The following PTPRN2 variants were observed in gnomAD, a reference collection of about 807,000 sequenced individuals.
The protein encoded by PTPRN2 is protein tyrosine phosphatase receptor type N2, also known as receptor-type tyrosine-protein phosphatase N2.
PTPRN2 carries 74 observed loss-of-function variants against 118.8 expected under a neutral mutation model. The observed-to-expected ratio is 0.62, with a 90% CI of 0.52 to 0.76. The LOEUF (loss-of-function observed/expected upper bound fraction) is 0.76. Among genes scored for constraint, PTPRN2 ranks in the 30% least tolerant of loss-of-function variants. The probability of loss-of-function intolerance (pLI) is 0.00; values close to 1 mark genes in which losing one functional copy is unlikely to be tolerated. For synonymous variants in PTPRN2, 641 were observed against 608.0 expected, an observed-to-expected ratio of 1.05 and a Z score of -0.80; for missense variants, 1,481 against 1,394.4, an observed-to-expected ratio of 1.06 and a Z score of -0.99.
intron 12 of PTPRN2, among the ~76,000 whole-genome samples, chr7:157,850,824 A>G (rs1529839): frequency 0.62 from 94,341 of 152,134 alleles, 30,257 homozygotes; most frequent in East Asian, 0.92. Flanking sequence ...AAATTCATGC[A>G]GGATCAGGAA....
rs1374520618 is a variant in PTPRN2 at position 157,697,671 on chromosome 7, G to A, written c.1789-14734C>T. 1.8e-3 allele frequency among the ~76,000 whole-genome samples: 157 copies of A among 87,986 alleles called. 1 individual carries two copies. Among genetic ancestry groups the A allele is most frequent in the Middle Eastern group, 0.011 (1 of 94 alleles). 57.7% of individuals were successfully genotyped at this position (87,986 alleles called of 152,430 possible). On this transcript the variant is annotated intron_variant, in intron 12 of 22. Coordinates refer to ENST00000389418, the MANE Select transcript of PTPRN2 (RefSeq NM_002847.5). Reference sequence around the variant, plus strand: ...ACTGGATCTCGGCAGAGCCCTCACCGTCTACCCATGCATACTGGGTCTTAG... The same window carrying A: ...ACTGGATCTCGGCAGAGCCCTCACCATCTACCCATGCATACTGGGTCTTAG...
rs530802708 is a variant in PTPRN2, at chr7:158,376,235, C to CCT, written c.164-59304_164-59303insAG. 6.0e-3 allele frequency among the ~76,000 whole-genome samples: 914 copies of CCT among 151,896 alleles called. 8 individuals carry two copies. Among genetic ancestry groups the CCT allele is most frequent in the African/African-American group, 0.021 (874 of 41,228 alleles). ...AGCAGCCAAACAGATGAGCCACACC[C>CCT]GTCACACGTCCTGCATGCAGGGTCA... On this transcript the variant is annotated intron_variant, in intron 2 of 22. Transcript: ENST00000389418.
At chr7:158,137,144 C>T (rs973600665) in intron 7 of PTPRN2, among the ~76,000 whole-genome samples, 6 of 152,174 alleles carry the variant, frequency 3.9e-5, no homozygotes, top group Admixed American at 1.3e-4. Context: ...CCCGGCTGGG[C>T]GCGGTGGCTC....
chr7:157,725,952 G>A (rs1267477768), intron 12 of PTPRN2, among the ~76,000 whole-genome samples: 6 of 103,016 alleles, frequency 5.8e-5, no homozygotes, highest in South Asian at 3.1e-4. Flanking sequence ...CCTCCCAGGA[G>A]AACTGGATAT....
At chr7:158,444,528 C>T (rs546080542) in intron 2 of PTPRN2, among the ~76,000 whole-genome samples, 7 of 152,312 alleles carry the variant, frequency 4.6e-5, no homozygotes, top group South Asian at 4.1e-4. Flanking sequence ...GAGAAGAGGC[C>T]GAGCCTCAGA....
rs182385802 is a variant in PTPRN2 at position 158,124,574 on chromosome 7, C to T, written c.1556+9103G>A. The stretch of plus-strand genomic sequence containing the variant: ...CCAGATGCTCAGAGTCTTGAAGAAA[C>T]ATAATGGAAAATTGGTGACAAAGAG... On this transcript the variant is annotated intron_variant, in intron 9 of 22. Transcript: ENST00000389418. Among the ~76,000 whole-genome samples, 508 of 152,354 alleles carry T rather than the reference C, an allele frequency of 3.3e-3. 4 individuals carry two copies. Among genetic ancestry groups the T allele is most frequent in the African/African-American group, 0.012 (486 of 41,578 alleles).
intron 2 of PTPRN2, among the ~76,000 whole-genome samples, chr7:158,414,202 C>A (rs948808407): frequency 6.6e-6 from 1 of 152,076 alleles, no homozygotes; most frequent in Non-Finnish European, 1.5e-5. Context: ...GGTGCTCAAC[C>A]CCGAACGGCC....
chr7:158,465,509 T>A (rs1333552614), intron 2 of PTPRN2, among the ~76,000 whole-genome samples: 1 of 152,236 alleles, frequency 6.6e-6, no homozygotes, highest in Non-Finnish European at 1.5e-5. Context: ...TGCCATCTAA[T>A]CTTTAGTAGA....
chr7:158,401,458 C>T (rs566153396), intron 2 of PTPRN2, among the ~76,000 whole-genome samples: 6 of 151,832 alleles, frequency 4.0e-5, no homozygotes, highest in East Asian at 1.9e-4. Context: ...TGCCACGGGA[C>T]GGCCCCACGG....
At chr7:158,468,451 G>T (rs1250573868) in intron 2 of PTPRN2, among the ~76,000 whole-genome samples, 1 of 152,218 alleles carries the variant, frequency 6.6e-6, no homozygotes, top group African/African-American at 2.4e-5. Context: ...AAAAAGAAAG[G>T]ACGGCAAAGC....
At chr7:157,855,741 C>G (rs947880731) in intron 12 of PTPRN2, among the ~76,000 whole-genome samples, 1 of 152,066 alleles carries the variant, frequency 6.6e-6, no homozygotes, top group South Asian at 2.1e-4. Context: ...CCCAGGGGGG[C>G]GGCGATACAA....
At chr7:158,130,220 C>T (rs773108764) in intron 9 of PTPRN2, among the ~76,000 whole-genome samples, 4 of 152,180 alleles carry the variant, frequency 2.6e-5, no homozygotes, top group East Asian at 1.9e-4. Flanking sequence ...TCGCAGAGCC[C>T]GCAGGACAGA....
At chr7:158,418,962 G>A (rs984820783) in intron 2 of PTPRN2, among the ~76,000 whole-genome samples, 3 of 152,340 alleles carry the variant, frequency 2.0e-5, no homozygotes, top group Middle Eastern at 3.4e-3. Flanking sequence ...AGTTTGTAAC[G>A]TTTTCACAAC....
intron 14 of PTPRN2, among the ~76,000 whole-genome samples, chr7:157,649,879 AAC>A (rs1805513523): frequency 1.3e-5 from 1 of 78,134 alleles, no homozygotes; most frequent in Non-Finnish European, 3.3e-5. Flanking sequence ...GGGTGCACTG[AAC>A]TCGGTGGGTC....
At chr7:158,575,277 A>G (rs998583178) in intron 1 of PTPRN2, among the ~76,000 whole-genome samples, 7 of 152,220 alleles carry the variant, frequency 4.6e-5, no homozygotes, top group Non-Finnish European at 1.0e-4. Flanking sequence ...ACGTTCTTTC[A>G]GAGTGCTATG....
intron 2 of PTPRN2, among the ~76,000 whole-genome samples, chr7:158,451,868 C>T (rs1181934885): frequency 6.6e-6 from 1 of 152,062 alleles, no homozygotes; most frequent in African/African-American, 2.4e-5. Flanking sequence ...TTAAAAATTC[C>T]CCCACGTTTT....
At chr7:157,766,837 T>C (rs1342995093) in intron 12 of PTPRN2, among the ~76,000 whole-genome samples, 1 of 152,224 alleles carries the variant, frequency 6.6e-6, no homozygotes, top group African/African-American at 2.4e-5. Context: ...GCTACCTCCG[T>C]TGGGGCCTTC....
chr7:157,666,799 C>T lies in PTPRN2; in HGVS notation c.2002-10248G>A, dbSNP rs1160413120. On this transcript the variant is annotated intron_variant, in intron 13 of 22. Coordinates refer to ENST00000389418, the MANE Select transcript of PTPRN2 (RefSeq NM_002847.5). ...CAAGGCCTGGCTTGCAGACTCGGCC[C>T]GTGTGACACTGATCTCAGGTGGGTG... 4.6e-5 allele frequency among the ~76,000 whole-genome samples: 7 copies of T among 152,074 alleles called. No individual in the cohort carries two copies. In the East Asian group the frequency reaches 1.2e-3, roughly 25 times the overall value.
At chr7:157,562,202 C>T (rs1341374925) in intron 21 of PTPRN2, among the ~76,000 whole-genome samples, 6 of 152,222 alleles carry the variant, frequency 3.9e-5, no homozygotes, top group Admixed American at 3.9e-4. Context: ...GCTCCAGGGC[C>T]GAGGCAGGCA....
Sources: gnomAD v4.1 joint callset for allele counts (sites outside exome capture counted in the v4.1 genomes callset) on GRCh38, gnomAD v4.1.1 for gene constraint, MANE v1.5 for transcripts, NCBI Gene and HGNC (gene_info 2026-07-23, HGNC 2026-07-21) for gene names.